ZSCAN12: variants seen among roughly 807,000 people sequenced by gnomAD.
The protein encoded by ZSCAN12 is zinc finger and SCAN domain-containing protein 12.
A neutral mutation model predicts 23.4 loss-of-function variants in ZSCAN12; 18 were observed. The observed-to-expected ratio is 0.77, with a 90% CI of 0.53 to 1.14. The LOEUF is 1.14. ZSCAN12 is among the 50% of genes most tolerant of loss of function. The pLI is 0.00. For missense variants in ZSCAN12, 650 were observed against 735.0 expected, an observed-to-expected ratio of 0.88 and a Z score of 1.34; for synonymous variants, 186 against 253.4, an observed-to-expected ratio of 0.73 and a Z score of 2.53.
intron 2 of ZSCAN12, 125 bp downstream of exon 2, chr6:28,397,879 C>T: frequency 1.7e-6 from 2 of 1,211,630 alleles, no homozygotes; most frequent in Non-Finnish European, 2.2e-6. Flanking sequence ...CCGTGAAACT[C>T]ATGCCCCTTT....
Position 28,385,037 on chromosome 6 carries a change from G to A in ZSCAN12, c.*5417C>T, listed in dbSNP as rs1218776862. Among the ~76,000 whole-genome samples the A allele has an allele frequency of 6.6e-6, 1 of 152,170 alleles. No homozygotes were observed. Among genetic ancestry groups the A allele is most frequent in the Admixed American group, 6.5e-5 (1 of 15,268 alleles). ...ACCATTTGAACTGTAAAATTGGTAA[G>A]TCTTAAGCAAAGAAAAATATCATAT... On this transcript the variant is annotated 3_prime_UTR_variant, in exon 4 of 4. Coordinates refer to ENST00000684592, the MANE Select transcript of ZSCAN12 (RefSeq NM_001163391.2).
chr6:28,379,852 C>T (rs912153563), downstream of ZSCAN12: 10 of 151,990 alleles, frequency 6.6e-5, no homozygotes, highest in South Asian at 2.1e-4. Flanking sequence ...AAACAGTAGA[C>T]GATAATACTA....
Position 28,386,844 on chromosome 6 carries a change from G to A in ZSCAN12, c.*3610C>T, listed in dbSNP as rs1165240447. On this transcript the variant is annotated 3_prime_UTR_variant, in exon 4 of 4. Transcript: ENST00000684592. Reference sequence around the variant, plus strand: ...TATTTTTATTTTTATTTTAATTTTTGTTGAGATGGAGTCTTGCTCTGTCAC... The same window carrying A: ...TATTTTTATTTTTATTTTAATTTTTATTGAGATGGAGTCTTGCTCTGTCAC... Among the ~76,000 whole-genome samples the A allele has an allele frequency of 6.6e-6, 1 of 151,956 alleles. No homozygotes were observed. Among genetic ancestry groups the A allele is most frequent in the African/African-American group, 2.4e-5 (1 of 41,356 alleles).
Position 28,389,968 on chromosome 6 carries a change from A to G in ZSCAN12, c.*486T>C, listed in dbSNP as rs1465622219. Among the ~76,000 whole-genome samples, 1 of 152,188 alleles carries G rather than the reference A, an allele frequency of 6.6e-6. No homozygotes were observed. Among genetic ancestry groups the G allele is most frequent in the African/African-American group, 2.4e-5 (1 of 41,448 alleles). ...ACGAACCTTTTACTTCAGGTTGGCTAGTCTTTTCCCTGATGCTTCCAAACC... is the reference window on the plus strand; with the variant it reads ...ACGAACCTTTTACTTCAGGTTGGCTGGTCTTTTCCCTGATGCTTCCAAACC... On this transcript the variant is annotated 3_prime_UTR_variant, in exon 4 of 4. Coordinates refer to ENST00000684592, the MANE Select transcript of ZSCAN12 (RefSeq NM_001163391.2).
chr6:28,392,794 C>T (rs17392982), intron 3 of ZSCAN12, 108 bp downstream of exon 3: 76,878 of 1,245,024 alleles, frequency 0.062, 3,249 homozygotes, highest in South Asian at 0.17. Context: ...GATTCTGAGA[C>T]GGCCTTTTTG....
In ZSCAN12 at chr6:28,397,992, C is replaced by T; in HGVS notation, c.402+12G>A. 6.5e-7 allele frequency: 1 copy of T among 1,549,072 alleles called. No individual in the cohort carries two copies. The highest frequency in any genetic ancestry group is 2.3e-5 in the East Asian group (1 of 44,298). ...ATGTTTTCTCAAGCAGAAGTCACAT[C>T]TTTTTTCTCACCTGCTCTCCTGGTT... On this transcript the variant is annotated intron_variant, in intron 2 of 3. Coordinates refer to ENST00000684592, the MANE Select transcript of ZSCAN12 (RefSeq NM_001163391.2).
In ZSCAN12 at chr6:28,386,467, T is replaced by C. The variant is rs1186318431; in HGVS notation, c.*3987A>G. Among the ~76,000 whole-genome samples, 8 of 152,164 alleles carry C rather than the reference T, an allele frequency of 5.3e-5. No individual in the cohort carries two copies. Among genetic ancestry groups the C allele is most frequent in the African/African-American group, 1.9e-4 (8 of 41,440 alleles). On this transcript the variant is annotated 3_prime_UTR_variant, in exon 4 of 4. Coordinates refer to ENST00000684592, the MANE Select transcript of ZSCAN12 (RefSeq NM_001163391.2). ...CCACATACATAAAATGCTTCAGAGGTTTCTGGTTTCCTAGGATCTTGTCAC... is the reference window on the plus strand; with the variant it reads ...CCACATACATAAAATGCTTCAGAGGCTTCTGGTTTCCTAGGATCTTGTCAC...
At chr6:28,395,869 G>A (rs369348387) in intron 2 of ZSCAN12, among the ~76,000 whole-genome samples, 17 of 152,214 alleles carry the variant, frequency 1.1e-4, no homozygotes, top group East Asian at 7.7e-4. Context: ...GATTTCTCCT[G>A]TAAATGTCAC....
rs1760726692 is a variant in ZSCAN12 at position 28,389,877 on chromosome 6, T to G, written c.*577A>C. ...AAGTATTAGATGAAATTATTCACAC[T>G]CTGGCCCTCTTATGTGTCTGTCCCC... On this transcript the variant is annotated 3_prime_UTR_variant, in exon 4 of 4. Coordinates refer to ENST00000684592, the MANE Select transcript of ZSCAN12 (RefSeq NM_001163391.2). Among the ~76,000 whole-genome samples, 1 of 152,208 alleles carries G rather than the reference T, an allele frequency of 6.6e-6. No homozygotes were observed. Among genetic ancestry groups the G allele is most frequent in the Admixed American group, 6.5e-5 (1 of 15,282 alleles).
rs2114003442 is a variant in ZSCAN12, at chr6:28,398,345, T to TTC, written c.60_61insGA (p.Ile21GlufsTer2). Reference sequence around the variant, plus strand: ...CTGGTGGTATATTTCTCTTCCTCTATCTTTACTTCCAAAGGTTCATCCTGG... The same window carrying TTC: ...CTGGTGGTATATTTCTCTTCCTCTATTCCTTTACTTCCAAAGGTTCATCCTGG... On this transcript the variant is annotated frameshift_variant, in exon 2 of 4. Transcript: ENST00000684592. LOFTEE classifies it high-confidence loss of function. The TTC allele has an allele frequency of 1.8e-5, 28 of 1,553,386 alleles. No individual in the cohort carries two copies. Among genetic ancestry groups the TTC allele is most frequent in the Non-Finnish European group, 2.3e-5 (26 of 1,147,852 alleles).
At position 28,391,855 on chromosome 6, in the gene ZSCAN12, T is replaced by G. The variant is rs2232429; in HGVS notation, c.548-113A>C. ...ATGCAAGAGTCTACCATCTTAGTGA[T>G]AAAGAGAGCAAAATATATTTGTTTC... On this transcript the variant is annotated intron_variant, in intron 3 of 3. Transcript: ENST00000684592. This position sits in a 1 kb window ranked among gnomAD's most constrained non-coding sequence, Gnocchi z 4.1. The G allele has an allele frequency of 0.079, 68,598 of 866,676 alleles. 3,540 individuals are homozygous for G. Among genetic ancestry groups the G allele is most frequent in the Non-Finnish European group, 0.1 (61,575 of 594,106 alleles). 53.7% of individuals were successfully genotyped at this position (866,676 alleles called of 1,614,324 possible).
chr6:28,381,506 G>A (rs1043257111), downstream of ZSCAN12: 6 of 152,144 alleles, frequency 3.9e-5, no homozygotes, highest in Non-Finnish European at 7.4e-5. Flanking sequence ...AAGGAGTTAA[G>A]TGGGTCAAAA....
chr6:28,393,230 C>G (rs185572794), intron 2 of ZSCAN12, among the ~76,000 whole-genome samples, 184 bp from the exon 3 acceptor site: 1 of 152,196 alleles, frequency 6.6e-6, no homozygotes, highest in African/African-American at 2.4e-5. Flanking sequence ...CCTTCTCCAC[C>G]CAGATGTAAT....
intron 2 of ZSCAN12, among the ~76,000 whole-genome samples, chr6:28,395,563 GGCTACC>G (rs1761066478): frequency 1.3e-5 from 2 of 152,004 alleles, no homozygotes; most frequent in Admixed American, 1.3e-4. Flanking sequence ...TTACTCCTAT[GGCTACC>G]CCAGCCCCAT....
chr6:28,390,408 T>C lies in ZSCAN12; in HGVS notation c.*46A>G. Reference sequence around the variant, plus strand: ...CCCCAATAATTGTAAAGCTAAATAGTATTTCTCACCGGCCTGAACTCTGTG... The same window carrying C: ...CCCCAATAATTGTAAAGCTAAATAGCATTTCTCACCGGCCTGAACTCTGTG... On this transcript the variant is annotated 3_prime_UTR_variant, in exon 4 of 4. Transcript: ENST00000684592. The C allele has an allele frequency of 1.4e-6, 2 of 1,425,560 alleles. No homozygotes were observed. The highest frequency in any genetic ancestry group is 1.9e-6 in the Non-Finnish European group (2 of 1,072,100). The allele number at this position is 1,425,560 out of a possible 1,614,324, so 88.3% of individuals were successfully genotyped here. A position where few individuals can be genotyped will look rare whatever the true frequency, so the allele number is the denominator to read the frequency against.
At position 28,390,743 on chromosome 6, in the gene ZSCAN12, T is replaced by G; in HGVS notation, c.1547A>C (p.Gln516Pro). The G allele has an allele frequency of 6.2e-7, 1 of 1,611,056 alleles. No homozygotes were observed. Among genetic ancestry groups the G allele is most frequent in the Non-Finnish European group, 8.5e-7 (1 of 1,178,430 alleles). ...GGGCCTCTCTCCAGTGTGGATTCTC[T>G]GATGTTCCGTGAGGACTGATCTTTG... ...FTQRSVLTEH[Q>P]RIHTGERPYK... The change falls in exon 4 of 4, where the codon CAG becomes CCG. Residue 516 changes from glutamine (Q) to proline (P), a missense_variant. Gln to Pro is a moderately conservative substitution (Grantham distance 76, BLOSUM62 -1). Coordinates refer to ENST00000684592, the MANE Select transcript of ZSCAN12 (RefSeq NM_001163391.2).
At chr6:28,381,021 G>A (rs988230015), downstream of ZSCAN12, 2 of 152,214 alleles carry the variant, frequency 1.3e-5, no homozygotes, top group Non-Finnish European at 2.9e-5. Flanking sequence ...TTTTTGTGAA[G>A]GCACGTGGCA....
intron 2 of ZSCAN12, among the ~76,000 whole-genome samples, chr6:28,397,145 C>A (rs1282323604): frequency 6.6e-6 from 1 of 151,874 alleles, no homozygotes; most frequent in African/African-American, 2.4e-5. Context: ...GCCCTCTCTA[C>A]CCACTAGATA....
rs774469524 is a variant in ZSCAN12 at position 28,392,986 on chromosome 6, C to T, written c.463G>A (p.Glu155Lys). ...TGGAGGGACATACTGGGTTCTCCTT[C>T]TTTTCGTAGACGTACCGTCTCCTGC... ...FLQETVRLRK[E>K]GEPSMSLQSM... is the part of the protein sequence containing the mutation. Residue 155 changes from glutamate (E) to lysine (K), a missense_variant, in exon 3 of 4, where the codon GAA (glutamate) becomes AAA (lysine). Glu to Lys is a moderately conservative substitution (Grantham distance 56). Transcript: ENST00000684592. 11 of 1,552,072 alleles carry T rather than the reference C, an allele frequency of 7.1e-6. No homozygotes were observed. In the Middle Eastern group the frequency reaches 8.3e-4, roughly 118 times the overall value.
Sources: allele counts gnomAD v4.1 joint callset (sites outside exome capture counted in the v4.1 genomes callset), GRCh38; gene constraint gnomAD v4.1.1; non-coding constraint Gnocchi (gnomAD v3.1); transcripts MANE v1.5; gene names NCBI Gene and HGNC (gene_info 2026-07-23, HGNC 2026-07-21).